The following PHEX variants were observed in gnomAD, a reference collection of about 807,000 sequenced individuals.
The protein encoded by PHEX is phosphate-regulating neutral endopeptidase PHEX.
A neutral mutation model predicts 68.0 loss-of-function variants in PHEX; 16 were observed. The observed-to-expected ratio is 0.24, with a 90% CI of 0.16 to 0.36. The LOEUF (loss-of-function observed/expected upper bound fraction) is 0.36. Among genes scored for constraint, PHEX ranks in the 10% least tolerant of loss-of-function variants. The pLI, the probability that PHEX is intolerant of heterozygous loss-of-function variation, is 1.00. For missense variants in PHEX, 480 were observed against 575.5 expected, an observed-to-expected ratio of 0.83 and a Z score of 1.70; for synonymous variants, 208 against 205.1, an observed-to-expected ratio of 1.01 and a Z score of -0.12.
intron 14 of PHEX, 74 bp from the exon 15 acceptor site, chrX:22,190,370 G>A: frequency 1.5e-6 from 1 of 677,787 alleles, no homozygotes. Context: ...ACCCAGCCAT[G>A]CTGTGTTTGT....
intron 20 of PHEX, among the ~76,000 whole-genome samples, chrX:22,237,994 T>C (rs1451084838): frequency 8.9e-6 from 1 of 112,646 alleles, no homozygotes; most frequent in Non-Finnish European, 1.9e-5. Flanking sequence ...CATCAAGAAG[T>C]TGGGTTTTGG....
intron 6 of PHEX, among the ~76,000 whole-genome samples, chrX:22,090,881 T>C (rs1400929129): frequency 8.9e-6 from 1 of 111,874 alleles, no homozygotes; most frequent in Admixed American, 9.5e-5. Context: ...TTAGAATCAC[T>C]TGGGAGGCTT....
At chrX:22,038,649 C>T (rs1376916431) in intron 2 of PHEX, 112 bp downstream of exon 2, 6 of 574,326 alleles carry the variant, frequency 1.0e-5, no homozygotes, top group East Asian at 9.9e-5. Flanking sequence ...TTACCAAGTA[C>T]GAAATGCAAT....
At chrX:22,114,179 A>T (rs1364182667) in intron 10 of PHEX, among the ~76,000 whole-genome samples, 2 of 109,478 alleles carry the variant, frequency 1.8e-5, no homozygotes, top group Admixed American at 2.0e-4. Flanking sequence ...CGAGCTCCTG[A>T]CCTCAGGTGA....
chrX:22,113,360 G>A (rs761009008), intron 10 of PHEX, among the ~76,000 whole-genome samples: 3 of 111,263 alleles, frequency 2.7e-5, no homozygotes, highest in Non-Finnish European at 5.7e-5. Context: ...AACAACCTGG[G>A]TCTAACATTG....
intron 16 of PHEX, among the ~76,000 whole-genome samples, chrX:22,217,856 G>GA (rs1935141505): frequency 9.0e-6 from 1 of 111,531 alleles, no homozygotes. Context: ...CATACATATG[G>GA]AAACCCCATT....
chrX:22,218,148 C>T (rs1053910264), intron 16 of PHEX, among the ~76,000 whole-genome samples: 3 of 110,557 alleles, frequency 2.7e-5, no homozygotes, highest in African/African-American at 9.9e-5. Context: ...TGGGGTTTCT[C>T]GCTTCTTCAT....
intron 20 of PHEX, among the ~76,000 whole-genome samples, chrX:22,227,884 G>A: frequency 9.0e-6 from 1 of 111,684 alleles, no homozygotes; most frequent in Middle Eastern, 4.6e-3. Context: ...AATGTATCTT[G>A]ACTTCTTAAT....
intron 12 of PHEX, among the ~76,000 whole-genome samples, chrX:22,148,279 T>C (rs1932763692): frequency 9.0e-6 from 1 of 111,015 alleles, no homozygotes. Context: ...TCCTACAGGG[T>C]AGCTAAGAGT....
chrX:22,136,802 T>C (rs1161485195), intron 12 of PHEX, among the ~76,000 whole-genome samples: 1 of 111,960 alleles, frequency 8.9e-6, no homozygotes, highest in Non-Finnish European at 1.9e-5. Flanking sequence ...TAAATGAGGA[T>C]GCCTCTGCTC....
At chrX:22,054,018 T>C (rs1016981506) in intron 3 of PHEX, among the ~76,000 whole-genome samples, 10 of 112,472 alleles carry the variant, frequency 8.9e-5, no homozygotes, top group African/African-American at 3.2e-4. Flanking sequence ...TCAGTTCCTA[T>C]AAAGTCATTT....
chrX:22,223,268 A>G (rs1301846478), intron 18 of PHEX, among the ~76,000 whole-genome samples: 2 of 111,617 alleles, frequency 1.8e-5, no homozygotes, highest in Non-Finnish European at 3.8e-5. Flanking sequence ...GGGGGAGCTC[A>G]GATGGGGCAC....
At chrX:22,103,138 C>T in intron 9 of PHEX, among the ~76,000 whole-genome samples, 1 of 110,658 alleles carries the variant, frequency 9.0e-6, no homozygotes. Context: ...CCATAAATGT[C>T]TTGGTGTGAA....
chrX:22,152,839 G>A (rs1932877467), intron 12 of PHEX, among the ~76,000 whole-genome samples: 1 of 111,717 alleles, frequency 9.0e-6, no homozygotes, highest in Non-Finnish European at 1.9e-5. Context: ...AAAAATATTT[G>A]ATTGGTATAC....
chrX:22,178,649 G>A (rs1454402725), intron 14 of PHEX, among the ~76,000 whole-genome samples: 1 of 111,944 alleles, frequency 8.9e-6, no homozygotes, highest in Admixed American at 9.5e-5. Context: ...TCTAGATCTA[G>A]TTATGAATAT....
intron 15 of PHEX, among the ~76,000 whole-genome samples, chrX:22,196,744 T>C (rs750760255): frequency 8.9e-6 from 1 of 112,451 alleles, no homozygotes; most frequent in South Asian, 3.7e-4. Context: ...AAGCATGGCC[T>C]AAGGGCTAAA....
Position 22,200,097 on chromosome X carries a change from T to C in PHEX, c.1645+9595T>C, listed in dbSNP as rs374767003. ...CCAACCATTATGCCAGGTACTTTAA[T>C]GTATGTTATCTCTAATCTTCACAAC... On this transcript the variant is annotated intron_variant, in intron 15 of 21. Coordinates refer to ENST00000379374, the MANE Select transcript of PHEX (RefSeq NM_000444.6). Among the ~76,000 whole-genome samples, 3 of 112,325 alleles carry C rather than the reference T, an allele frequency of 2.7e-5. No individual in the cohort carries two copies. The East Asian group carries it at 8.4e-4, about 31-fold the overall frequency.
chrX:22,098,967 C>T (rs371953854), intron 8 of PHEX, 39 bp from the exon 9 acceptor site: 26 of 1,188,168 alleles, frequency 2.2e-5, no homozygotes, highest in South Asian at 1.2e-4. Flanking sequence ...GCTACCTAAC[C>T]GAGATTCTCT....
chrX:22,076,327 G>T, intron 3 of PHEX, 61 bp from the exon 4 acceptor site: 1 of 811,128 alleles, frequency 1.2e-6, no homozygotes, highest in South Asian at 2.1e-5. Flanking sequence ...ATTATCAAAT[G>T]ACTTCCAACT....
Sources: allele counts gnomAD v4.1 joint callset (sites outside exome capture counted in the v4.1 genomes callset), GRCh38; gene constraint gnomAD v4.1.1; transcripts MANE v1.5; gene names NCBI Gene and HGNC (gene_info 2026-07-23, HGNC 2026-07-21).